Variants in NFIA observed in about 807,000 individuals in gnomAD.
NFIA encodes nuclear factor I A, also known as nuclear factor 1 A-type.
Under a neutral mutation model 62.8 loss-of-function variants are expected in NFIA, and 8 were observed. The observed-to-expected ratio is 0.13, with a 90% CI of 0.07 to 0.23. NFIA has a LOEUF of 0.23. NFIA is among the 10% of genes least tolerant of loss of function. NFIA has a pLI of 1.00. For missense variants in NFIA, 410 were observed against 642.1 expected, an observed-to-expected ratio of 0.64 and a Z score of 3.91; for synonymous variants, 235 against 238.1, an observed-to-expected ratio of 0.99 and a Z score of 0.12.
At chr1:61,188,111 G>C (rs964625376) in intron 2 of NFIA, among the ~76,000 whole-genome samples, 2 of 152,044 alleles carry the variant, frequency 1.3e-5, no homozygotes, top group South Asian at 4.2e-4. Flanking sequence ...GTAGTGGTGC[G>C]ATCTCGGCTC....
At chr1:61,370,458 A>G (rs2100462554) in intron 6 of NFIA, among the ~76,000 whole-genome samples, 1 of 152,326 alleles carries the variant, frequency 6.6e-6, no homozygotes, top group South Asian at 2.1e-4. Context: ...CCGGAATAAA[A>G]CGTCACTTTA....
chr1:61,155,307 A>G (rs1648714323), intron 2 of NFIA, among the ~76,000 whole-genome samples: 2 of 152,222 alleles, frequency 1.3e-5, no homozygotes, highest in South Asian at 2.1e-4. Context: ...AGGAAATTGT[A>G]TGTTCTAGCA....
intron 7 of NFIA, among the ~76,000 whole-genome samples, chr1:61,403,358 G>T (rs1569779713): frequency 6.6e-6 from 1 of 152,256 alleles, no homozygotes; most frequent in African/African-American, 2.4e-5. Flanking sequence ...TAATCTTCTT[G>T]TTCACATGAA....
intron 2 of NFIA, among the ~76,000 whole-genome samples, chr1:61,175,340 C>G (rs532925708): frequency 4.5e-4 from 69 of 152,212 alleles, no homozygotes; most frequent in African/African-American, 1.5e-3. Context: ...CGGGCTTTCA[C>G]CATGTTGGCC....
intron 2 of NFIA, among the ~76,000 whole-genome samples, chr1:61,098,546 T>C (rs561149772): frequency 1.8e-4 from 27 of 152,336 alleles, no homozygotes; most frequent in African/African-American, 6.3e-4. Flanking sequence ...ATGAAGTCTT[T>C]GTAACGATGC....
chr1:61,154,385 A>T (rs922526734), intron 2 of NFIA, among the ~76,000 whole-genome samples: 1 of 152,052 alleles, frequency 6.6e-6, no homozygotes, highest in Non-Finnish European at 1.5e-5. Context: ...CAAACTCCTG[A>T]CCTTAGGTGA....
chr1:61,334,149 G>C (rs1044343329), intron 4 of NFIA, among the ~76,000 whole-genome samples: 6 of 152,198 alleles, frequency 3.9e-5, no homozygotes, highest in African/African-American at 4.8e-5. Context: ...GAAGGTAACT[G>C]TCGGGGTTAG....
intron 9 of NFIA, among the ~76,000 whole-genome samples, chr1:61,419,453 G>A (rs1026774773): frequency 2.6e-5 from 4 of 152,042 alleles, no homozygotes; most frequent in Admixed American, 6.6e-5. Context: ...CAAAAGATTG[G>A]CTACAGGAAA....
chr1:61,374,094 C>A (rs1664036461), intron 6 of NFIA, among the ~76,000 whole-genome samples: 1 of 152,088 alleles, frequency 6.6e-6, no homozygotes, highest in African/African-American at 2.4e-5. Context: ...TGGCTAGTAG[C>A]TACCATATTG....
intron 3 of NFIA, among the ~76,000 whole-genome samples, chr1:61,327,301 T>C (rs572417379): frequency 1.3e-5 from 2 of 151,848 alleles, no homozygotes; most frequent in South Asian, 2.1e-4. Context: ...GATTTTTGGG[T>C]ACATGGATGA....
At chr1:61,178,370 T>A (rs1480770737) in intron 2 of NFIA, among the ~76,000 whole-genome samples, 2 of 152,214 alleles carry the variant, frequency 1.3e-5, no homozygotes, top group Non-Finnish European at 2.9e-5. Flanking sequence ...ACTTTTGGCT[T>A]CCATATTAGT....
intron 2 of NFIA, among the ~76,000 whole-genome samples, chr1:61,225,562 T>TC (rs1654283041): frequency 6.6e-6 from 1 of 151,562 alleles, no homozygotes; most frequent in Admixed American, 6.6e-5. Context: ...ACTTTTTTTT[T>TC]TTTTTTTTTT....
At position 61,351,259 on chromosome 1, in the gene NFIA, T is replaced by A. The variant is rs190779065; in HGVS notation, c.701-1191T>A. 7.8e-3 allele frequency among the ~76,000 whole-genome samples: 1,190 copies of A among 152,352 alleles called. 8 individuals carry two copies. The highest frequency in any genetic ancestry group is 0.012 in the Non-Finnish European group (794 of 68,032). On this transcript the variant is annotated intron_variant, in intron 4 of 10. Transcript: ENST00000403491. ...CTTTTAAAAAATTAATCTGTCAGAC[T>A]TTCTTTTCCGTTTAAGGGTAGGGAC...
At chr1:61,363,486 C>T (rs1271970813) in intron 6 of NFIA, among the ~76,000 whole-genome samples, 2 of 152,010 alleles carry the variant, frequency 1.3e-5, no homozygotes, top group Non-Finnish European at 2.9e-5. Flanking sequence ...TGCCTATAAT[C>T]CCAGCTACTC....
At chr1:61,131,348 G>A (rs1229491819) in intron 2 of NFIA, among the ~76,000 whole-genome samples, 1 of 152,140 alleles carries the variant, frequency 6.6e-6, no homozygotes, top group Non-Finnish European at 1.5e-5. Context: ...TCTGTTGTTT[G>A]TAGTGAATAA....
At chr1:61,269,885 G>A (rs575611371) in intron 2 of NFIA, among the ~76,000 whole-genome samples, 9 of 152,258 alleles carry the variant, frequency 5.9e-5, no homozygotes, top group African/African-American at 2.2e-4. Context: ...AAATTCATTT[G>A]CATACATCTT....
chr1:61,385,278 A>G (rs1268874172), intron 7 of NFIA, among the ~76,000 whole-genome samples: 3 of 152,174 alleles, frequency 2.0e-5, no homozygotes, highest in African/African-American at 7.2e-5. Flanking sequence ...CATTGAAGTC[A>G]AATCTTAAAA....
chr1:61,110,617 G>T (rs1374593717), intron 2 of NFIA, among the ~76,000 whole-genome samples: 1 of 151,978 alleles, frequency 6.6e-6, no homozygotes, highest in African/African-American at 2.4e-5. Context: ...ATAATTGCAG[G>T]AGTTATAAAA....
chr1:61,391,478 A>T (rs1664982505), intron 7 of NFIA, among the ~76,000 whole-genome samples: 1 of 149,424 alleles, frequency 6.7e-6, no homozygotes, highest in South Asian at 2.1e-4. Context: ...ACACACACAC[A>T]CACACACACA....
Sources: allele counts gnomAD v4.1 joint callset (sites outside exome capture counted in the v4.1 genomes callset), GRCh38; gene constraint gnomAD v4.1.1; transcripts MANE v1.5; gene names NCBI Gene and HGNC (gene_info 2026-07-23, HGNC 2026-07-21).